SDK1: variants seen among roughly 807,000 people sequenced by gnomAD.
SDK1 encodes protein sidekick-1.
SDK1 carries 157 observed loss-of-function variants against 245.5 expected under a neutral mutation model. The ratio of observed to expected loss-of-function variants is 0.64; its 90% CI spans 0.56 to 0.73. SDK1 has a LOEUF of 0.73. Among genes scored for constraint, SDK1 ranks in the 30% least tolerant of loss-of-function variants. The probability of loss-of-function intolerance (pLI) is 0.00; values close to 1 mark genes in which losing one functional copy is unlikely to be tolerated. For synonymous variants in SDK1, 1,647 were observed against 1,278.5 expected (o/e 1.29, Z -6.15); for missense variants, 3,583 against 3,002.3 (o/e 1.19, Z -4.52).
chr7:3,495,467 C>T (rs1355874184), intron 1 of SDK1, among the ~76,000 whole-genome samples: 1 of 151,976 alleles, frequency 6.6e-6, no homozygotes, highest in Non-Finnish European at 1.5e-5. Flanking sequence ...CCATGTTGCC[C>T]AGGCAAGTCT....
At chr7:3,697,537 C>T (rs1784609657) in intron 4 of SDK1, among the ~76,000 whole-genome samples, 1 of 152,098 alleles carries the variant, frequency 6.6e-6, no homozygotes, top group South Asian at 2.1e-4. Flanking sequence ...TACTCTAATA[C>T]CCCTTTTTTT....
chr7:4,145,690 C>T (rs746624027), intron 28 of SDK1, 32 bp from the exon 29 acceptor site: 2 of 1,571,078 alleles, frequency 1.3e-6, no homozygotes, highest in East Asian at 4.5e-5. Flanking sequence ...GTGACTGGCT[C>T]AGCAGCTGTC....
intron 1 of SDK1, among the ~76,000 whole-genome samples, chr7:3,307,460 T>A (rs1307136125): frequency 6.6e-6 from 1 of 152,224 alleles, no homozygotes; most frequent in African/African-American, 2.4e-5. Context: ...GAGAGGTTAC[T>A]ACTCTTAGAG....
chr7:3,406,716 C>T (rs1779064635), intron 1 of SDK1, among the ~76,000 whole-genome samples: 1 of 152,072 alleles, frequency 6.6e-6, no homozygotes, highest in African/African-American at 2.4e-5. Context: ...AATATTTGAC[C>T]ATCAGACTTT....
At chr7:3,664,893 A>G (rs1324786595) in intron 4 of SDK1, among the ~76,000 whole-genome samples, 2 of 150,894 alleles carry the variant, frequency 1.3e-5, no homozygotes, top group African/African-American at 5.0e-5. Context: ...TTACTTTCAT[A>G]TCTTATTTGA....
chr7:3,743,230 G>A (rs1583364341), intron 4 of SDK1, among the ~76,000 whole-genome samples: 1 of 152,196 alleles, frequency 6.6e-6, no homozygotes, highest in Non-Finnish European at 1.5e-5. Flanking sequence ...AAAAGAGGCA[G>A]TCTGTTAAGC....
At chr7:4,180,969 G>A (rs180761878) in intron 35 of SDK1, among the ~76,000 whole-genome samples, 10 of 152,266 alleles carry the variant, frequency 6.6e-5, no homozygotes, top group Admixed American at 4.6e-4. Context: ...GGTAAGATGC[G>A]TATAACATGG....
At chr7:3,714,550 A>T (rs1394031055) in intron 4 of SDK1, among the ~76,000 whole-genome samples, 2 of 152,182 alleles carry the variant, frequency 1.3e-5, no homozygotes, top group East Asian at 1.9e-4. Flanking sequence ...GTTACATCTT[A>T]TGTAAGTGGT....
At chr7:3,438,696 A>T (rs1780101243) in intron 1 of SDK1, among the ~76,000 whole-genome samples, 1 of 152,026 alleles carries the variant, frequency 6.6e-6, no homozygotes, top group Non-Finnish European at 1.5e-5. Context: ...CAAGTTTTTG[A>T]TTCTTTCTTT....
At position 4,220,095 on chromosome 7, in the gene SDK1, T is replaced by G. The variant is rs1368590443; in HGVS notation, c.5540-14T>G. 1 of 1,610,916 alleles carries G rather than the reference T, an allele frequency of 6.2e-7. No individual in the cohort carries two copies. The highest frequency in any genetic ancestry group is 8.5e-7 in the Non-Finnish European group (1 of 1,177,816). On this transcript the variant is annotated splice_polypyrimidine_tract_variant and intron_variant, in intron 38 of 44. Coordinates refer to ENST00000404826, the MANE Select transcript of SDK1 (RefSeq NM_152744.4). ...GCTGAACCCCCTTGTTTCCTTTGCT[T>G]CTGGCGGCTGCAGGGGTGAGCAAGG...
rs575487405 is a variant in SDK1 at position 3,899,725 on chromosome 7, G to A, written c.848-51198G>A. 1.2e-4 allele frequency among the ~76,000 whole-genome samples: 19 copies of A among 152,296 alleles called. No homozygotes were observed. In the South Asian group the frequency reaches 3.7e-3, roughly 30 times the overall value. On this transcript the variant is annotated intron_variant, in intron 5 of 44. Coordinates refer to ENST00000404826, the MANE Select transcript of SDK1 (RefSeq NM_152744.4). Reference sequence around the variant, plus strand: ...CCTCCTCTGTCGGCCATCAGCATGTGGGCCATGCTGCATCTCTCTCCCCAG... The same window carrying A: ...CCTCCTCTGTCGGCCATCAGCATGTAGGCCATGCTGCATCTCTCTCCCCAG...
In SDK1 at chr7:3,754,720, C is replaced by T. The variant is rs187889011; in HGVS notation, c.714-66730C>T. 3.5e-3 allele frequency among the ~76,000 whole-genome samples: 529 copies of T among 152,172 alleles called. 4 individuals carry two copies. Among genetic ancestry groups the T allele is most frequent in the South Asian group, 0.016 (77 of 4,824 alleles). ...CGGAGTACTCCCTTGTCAGTGGTAA[C>T]AATAGGCTGTGAATAATTCAGACAT... is the stretch of plus-strand genomic sequence containing the variant. On this transcript the variant is annotated intron_variant, in intron 4 of 44. Coordinates refer to ENST00000404826, the MANE Select transcript of SDK1 (RefSeq NM_152744.4).
chr7:3,410,278 C>T (rs187480149), intron 1 of SDK1, among the ~76,000 whole-genome samples: 14 of 151,034 alleles, frequency 9.3e-5, no homozygotes, highest in South Asian at 8.3e-4. Flanking sequence ...CTTCATTTCG[C>T]GCACAACATT....
At chr7:3,582,927 G>T (rs1420560813) in intron 1 of SDK1, among the ~76,000 whole-genome samples, 1 of 152,128 alleles carries the variant, frequency 6.6e-6, no homozygotes, top group Non-Finnish European at 1.5e-5. Flanking sequence ...TGTAGGAAAA[G>T]GGGGGCAGAT....
chr7:3,582,683 TAAAAA>T (rs71029682), intron 1 of SDK1, among the ~76,000 whole-genome samples: 4,187 of 69,620 alleles, frequency 0.06, 75 homozygotes, highest in Middle Eastern at 0.1. Context: ...TAAACTAAAG[TAAAAA>T]AAAAAAAAAA....
chr7:3,322,197 C>T lies in SDK1; in HGVS notation c.298+20313C>T, dbSNP rs148986725. ...CCCCTAATGACCATCCACCCGTGTT[C>T]TGCTTCTATGGATTTATCTATTCTG... On this transcript the variant is annotated intron_variant, in intron 1 of 44. Coordinates refer to ENST00000404826, the MANE Select transcript of SDK1 (RefSeq NM_152744.4). 6.3e-4 allele frequency among the ~76,000 whole-genome samples: 96 copies of T among 152,192 alleles called. 3 individuals carry two copies. The East Asian group carries it at 0.015, about 24-fold the overall frequency.
chr7:3,975,994 G>A (rs1364642063), intron 13 of SDK1, among the ~76,000 whole-genome samples: 2 of 31,708 alleles, frequency 6.3e-5, no homozygotes, highest in East Asian at 1.0e-3. Flanking sequence ...GGGTCCCGGG[G>A]CTGAGGCTGC....
rs908754855 is a variant in SDK1, at chr7:3,384,592, C to A, written c.298+82708C>A. Among the ~76,000 whole-genome samples, 3 of 113,506 alleles carry A rather than the reference C, an allele frequency of 2.6e-5. No homozygotes were observed. The South Asian group carries it at 1.0e-3, about 38-fold the overall frequency. The allele number at this position is 113,506 out of a possible 152,430, so 74.5% of individuals were successfully genotyped here. A position where few individuals can be genotyped will look rare whatever the true frequency, so the allele number is the denominator to read the frequency against. On this transcript the variant is annotated intron_variant, in intron 1 of 44. Transcript: ENST00000404826. ...CCACTCTTGTTTTACATCATACCCT[C>A]GAACATCGAAGGACTTCGCTGATTT...
intron 28 of SDK1, among the ~76,000 whole-genome samples, chr7:4,138,482 A>G (rs1558000): frequency 0.54 from 82,481 of 151,904 alleles, 23,205 homozygotes; most frequent in East Asian, 0.87. Context: ...ATGGTGGCTC[A>G]TGCCTGTAAT....
Sources: allele counts gnomAD v4.1 joint callset (sites outside exome capture counted in the v4.1 genomes callset), GRCh38; gene constraint gnomAD v4.1.1; transcripts MANE v1.5; gene names NCBI Gene and HGNC (gene_info 2026-07-23, HGNC 2026-07-21).